The following PLAAT3 variants were observed in gnomAD, a reference collection of about 807,000 sequenced individuals.
The protein encoded by PLAAT3 is Ca-independent phospholipase A1/2.
In PLAAT3, 21 loss-of-function variants were observed where a neutral mutation model predicts 16.7. That is an observed-to-expected ratio of 1.26 (90% CI 0.89 to 1.81). PLAAT3 has a LOEUF of 1.81. Ranked by LOEUF, PLAAT3 falls within the 40% of genes most tolerant of loss-of-function variation. PLAAT3 has a pLI of 0.00. For missense variants in PLAAT3, 219 were observed against 213.7 expected, an observed-to-expected ratio of 1.02 and a Z score of -0.16; for synonymous variants, 76 against 81.7, an observed-to-expected ratio of 0.93 and a Z score of 0.38.
chr11:63,600,299 A>C (rs1334157086), intron 2 of PLAAT3, among the ~76,000 whole-genome samples: 1 of 152,150 alleles, frequency 6.6e-6, no homozygotes, highest in Middle Eastern at 3.2e-3. Context: ...TGCATTTTTT[A>C]AAACAGAAGT....
At chr11:63,608,912 G>A (rs1420345537) in intron 2 of PLAAT3, among the ~76,000 whole-genome samples, 2 of 152,118 alleles carry the variant, frequency 1.3e-5, no homozygotes, top group Non-Finnish European at 2.9e-5. Flanking sequence ...TGCAAAATGG[G>A]GATAGGTACA....
intron 2 of PLAAT3, among the ~76,000 whole-genome samples, chr11:63,610,434 C>A (rs1023872022): frequency 2.0e-5 from 3 of 152,218 alleles, no homozygotes; most frequent in African/African-American, 4.8e-5. Context: ...GACCAGAATT[C>A]CGTCTAATTC....
intron 2 of PLAAT3, among the ~76,000 whole-genome samples, chr11:63,609,551 G>A (rs1358748156): frequency 6.6e-6 from 1 of 152,216 alleles, no homozygotes; most frequent in Non-Finnish European, 1.5e-5. Flanking sequence ...AAGCACTTAT[G>A]CCTACGAGAG....
In PLAAT3 at chr11:63,581,295, A is replaced by G. The variant is rs59031609; in HGVS notation, c.388-6249T>C. Reference sequence around the variant, plus strand: ...ATATTTTTCTTCTTGCAGAAAGCCTATAGACAGATGTGTGAGTAGGAGAAA... The same window carrying G: ...ATATTTTTCTTCTTGCAGAAAGCCTGTAGACAGATGTGTGAGTAGGAGAAA... On this transcript the variant is annotated intron_variant, in intron 4 of 4. Transcript: ENST00000415826. Among the ~76,000 whole-genome samples the G allele has an allele frequency of 9.5e-3, 1,442 of 152,334 alleles. 24 individuals carry two copies. Among genetic ancestry groups the G allele is most frequent in the African/African-American group, 0.033 (1,366 of 41,568 alleles).
Position 63,595,512 on chromosome 11 carries a change from G to T in PLAAT3, c.118+2549C>A, listed in dbSNP as rs75520941. 1.4e-3 allele frequency among the ~76,000 whole-genome samples: 210 copies of T among 152,272 alleles called. 2 individuals are homozygous for T. The East Asian group carries it at 0.037, about 27-fold the overall frequency. The stretch of plus-strand genomic sequence containing the variant: ...AGAAGCCAGACACAAAAGAGCACGG[G>T]CCGTGTGATACCTCTTCCATGAAGT... On this transcript the variant is annotated intron_variant, in intron 3 of 4. Transcript: ENST00000415826.
At chr11:63,597,674 GAATCT>G (rs1938324659) in intron 3 of PLAAT3, among the ~76,000 whole-genome samples, 1 of 152,188 alleles carries the variant, frequency 6.6e-6, no homozygotes, top group Non-Finnish European at 1.5e-5. Flanking sequence ...GCTCCTATGA[GAATCT>G]AATGCCGCTG....
At chr11:63,584,967 G>T (rs995082255) in intron 4 of PLAAT3, among the ~76,000 whole-genome samples, 1 of 151,970 alleles carries the variant, frequency 6.6e-6, no homozygotes, top group Non-Finnish European at 1.5e-5. Context: ...AAATACTGGT[G>T]GACATTTTCT....
intron 4 of PLAAT3, 110 bp from the exon 5 acceptor site, chr11:63,575,156 C>G (rs901740316): frequency 7.4e-6 from 5 of 675,226 alleles, no homozygotes; most frequent in African/African-American, 7.1e-5. Flanking sequence ...CTTGGCCTCC[C>G]TGGCCAAACT....
intron 2 of PLAAT3, among the ~76,000 whole-genome samples, chr11:63,605,779 C>G (rs1040730348): frequency 6.6e-6 from 1 of 152,064 alleles, no homozygotes; most frequent in Admixed American, 6.6e-5. Flanking sequence ...GTCTCGATCT[C>G]CTGACCTCGT....
intron 2 of PLAAT3, among the ~76,000 whole-genome samples, chr11:63,611,193 G>T (rs925473540): frequency 5.3e-5 from 8 of 151,960 alleles, no homozygotes; most frequent in Admixed American, 4.6e-4. Context: ...CTGCAGCCTC[G>T]ACCTCCCGGG....
At chr11:63,584,083 TA>T (rs1224137228) in intron 4 of PLAAT3, among the ~76,000 whole-genome samples, 1 of 152,158 alleles carries the variant, frequency 6.6e-6, no homozygotes, top group Admixed American at 6.5e-5. Flanking sequence ...TGATCAAGTA[TA>T]CAAAAAATAA....
chr11:63,601,735 G>A (rs1938435888), intron 2 of PLAAT3, among the ~76,000 whole-genome samples: 1 of 152,178 alleles, frequency 6.6e-6, no homozygotes, highest in South Asian at 2.1e-4. Context: ...CAACACTTTG[G>A]GAGGCCAAGG....
intron 3 of PLAAT3, among the ~76,000 whole-genome samples, chr11:63,596,495 A>T (rs1938292272): frequency 6.6e-6 from 1 of 151,828 alleles, no homozygotes; most frequent in Admixed American, 6.6e-5. Context: ...TTATTATTAC[A>T]TTGTAATATA....
At chr11:63,577,925 C>T (rs574685459) in intron 4 of PLAAT3, among the ~76,000 whole-genome samples, 2 of 152,052 alleles carry the variant, frequency 1.3e-5, no homozygotes, top group African/African-American at 4.8e-5. Flanking sequence ...TTAAGGAAAT[C>T]TCTCAAAAAG....
At chr11:63,589,187 G>A (rs184165651) in intron 4 of PLAAT3, among the ~76,000 whole-genome samples, 4 of 151,916 alleles carry the variant, frequency 2.6e-5, no homozygotes, top group East Asian at 3.9e-4. Flanking sequence ...TCAGACAGCC[G>A]GCAAAAGGCA....
intron 3 of PLAAT3, among the ~76,000 whole-genome samples, chr11:63,592,518 T>G (rs1378936927): frequency 6.6e-6 from 1 of 152,142 alleles, no homozygotes; most frequent in Non-Finnish European, 1.5e-5. Context: ...GAAGAAAATA[T>G]GAAGTGAACA....
intron 2 of PLAAT3, among the ~76,000 whole-genome samples, chr11:63,608,775 T>C (rs1938626878): frequency 6.6e-6 from 1 of 152,170 alleles, no homozygotes; most frequent in South Asian, 2.1e-4. Context: ...AAGATGAATT[T>C]AATTTTCAGA....
chr11:63,584,508 G>T (rs1398008782), intron 4 of PLAAT3, among the ~76,000 whole-genome samples: 38 of 140,196 alleles, frequency 2.7e-4, no homozygotes, highest in South Asian at 6.6e-4. Flanking sequence ...TTTTTTTTTT[G>T]TTTTTTTTTG....
chr11:63,576,593 G>A (rs966725575), intron 4 of PLAAT3, among the ~76,000 whole-genome samples: 4 of 152,176 alleles, frequency 2.6e-5, no homozygotes, highest in Middle Eastern at 3.2e-3. Flanking sequence ...ATTGGGCTCC[G>A]TCCTTGGCAA....
Sources: gnomAD v4.1 joint callset for allele counts (sites outside exome capture counted in the v4.1 genomes callset) on GRCh38, gnomAD v4.1.1 for gene constraint, MANE v1.5 for transcripts, NCBI Gene and HGNC (gene_info 2026-07-23, HGNC 2026-07-21) for gene names.